DOP1A: variants seen among roughly 807,000 people sequenced by gnomAD.
DOP1A encodes the protein DOP1 leucine zipper like protein A.
A neutral mutation model predicts 267.6 loss-of-function variants in DOP1A; 90 were observed. That is an observed-to-expected ratio of 0.34 (90% CI 0.28 to 0.40). The LOEUF is 0.40. Among genes scored for constraint, DOP1A ranks in the 10% least tolerant of loss-of-function variants. DOP1A has a pLI of 1.00. For missense variants in DOP1A, 2,437 were observed against 2,900.4 expected (o/e 0.84, Z 3.67); for synonymous variants, 932 against 999.1 (o/e 0.93, Z 1.27).
intron 7 of DOP1A, among the ~76,000 whole-genome samples, chr6:83,117,484 A>G (rs1455668630): frequency 6.6e-6 from 1 of 152,106 alleles, no homozygotes; most frequent in Non-Finnish European, 1.5e-5. Context: ...CTTTCACTCT[A>G]TTATACAGAA....
chr6:83,067,882 T>A (rs1178922932), intron 1 of DOP1A, 103 bp downstream of exon 1: 1 of 152,266 alleles, frequency 6.6e-6, no homozygotes, highest in Non-Finnish European at 1.5e-5. Flanking sequence ...GCCTTGCGAG[T>A]CTGACTGCTG....
In DOP1A at chr6:83,145,574, TTCAA is replaced by T; in HGVS notation, c.5596_5599del (p.Ile1866ValfsTer3). 6.2e-7 allele frequency: 1 copy of T among 1,612,058 alleles called. No homozygotes were observed. The highest frequency in any genetic ancestry group is 8.5e-7 in the Non-Finnish European group (1 of 1,178,816). The stretch of plus-strand genomic sequence containing the variant: ...AGCTTTTATTAGTGGAATTGGTTCG[TTCAA>T]TCAGTGTCATGAGAGCAGAAACTGT... On this transcript the variant is annotated frameshift_variant, in exon 25 of 39. Transcript: ENST00000349129. LOFTEE classifies it high-confidence loss of function.
intron 4 of DOP1A, among the ~76,000 whole-genome samples, chr6:83,101,226 C>T (rs113508076): frequency 0.016 from 2,398 of 152,236 alleles, 77 homozygotes; most frequent in African/African-American, 0.054. Flanking sequence ...CCGTGTTAGC[C>T]AGGATGGTCT....
intron 11 of DOP1A, 67 bp from the exon 12 acceptor site, chr6:83,122,796 C>G (rs972587813): frequency 8.0e-7 from 1 of 1,257,136 alleles, no homozygotes; most frequent in Non-Finnish European, 1.0e-6. Flanking sequence ...GCACTGCACT[C>G]AAATTTAAAT....
intron 12 of DOP1A, 118 bp downstream of exon 12, chr6:83,123,100 G>A: frequency 9.0e-7 from 1 of 1,106,334 alleles, no homozygotes. Context: ...AATAATAACT[G>A]TTACTTACTA....
rs138359375 is a variant in DOP1A, at chr6:83,089,788, T to C, written c.-146-6943T>C. Among the ~76,000 whole-genome samples the C allele has an allele frequency of 3.9e-5, 6 of 152,290 alleles. No homozygotes were observed. In the East Asian group the frequency reaches 1.2e-3, roughly 29 times the overall value. On this transcript the variant is annotated intron_variant, in intron 1 of 38. Coordinates refer to ENST00000349129, the MANE Select transcript of DOP1A (RefSeq NM_015018.4). ...AACAAAACAGCTCATTTGACAGAGA[T>C]GATGTAAATGTTTGATATAACGTTT... is the stretch of plus-strand genomic sequence containing the variant.
At chr6:83,079,364 G>T (rs1006888332) in intron 1 of DOP1A, among the ~76,000 whole-genome samples, 1 of 152,012 alleles carries the variant, frequency 6.6e-6, no homozygotes, top group Non-Finnish European at 1.5e-5. Context: ...AATGGGCAAA[G>T]AAAAACGTTA....
At chr6:83,154,395 T>G in intron 33 of DOP1A, 154 bp downstream of exon 33, 1 of 643,340 alleles carries the variant, frequency 1.6e-6, no homozygotes, top group Non-Finnish European at 2.7e-6. Flanking sequence ...CACACTACTT[T>G]CTGTACGCTA....
At chr6:83,090,668 A>T (rs1472411393) in intron 1 of DOP1A, among the ~76,000 whole-genome samples, 2 of 152,222 alleles carry the variant, frequency 1.3e-5, no homozygotes, top group Non-Finnish European at 2.9e-5. Flanking sequence ...ACATGATTTT[A>T]TATTTTAGAA....
intron 1 of DOP1A, among the ~76,000 whole-genome samples, chr6:83,091,695 A>C (rs1438693951): frequency 6.6e-6 from 1 of 152,300 alleles, no homozygotes; most frequent in African/African-American, 2.4e-5. Flanking sequence ...CATTAATAGA[A>C]ATTACTACTA....
At chr6:83,131,826 A>G (rs1202118042) in intron 17 of DOP1A, among the ~76,000 whole-genome samples, 13 of 151,996 alleles carry the variant, frequency 8.6e-5, no homozygotes, top group African/African-American at 3.1e-4. Flanking sequence ...TAGTAGAGAC[A>G]AGGTTTCGCC....
intron 37 of DOP1A, among the ~76,000 whole-genome samples, chr6:83,162,539 G>A (rs138155712): frequency 1.4e-3 from 219 of 152,258 alleles, no homozygotes; most frequent in African/African-American, 4.9e-3. Flanking sequence ...AAAAAGTAAT[G>A]ATGAGTACTT....
At chr6:83,131,808 T>C (rs1778086358) in intron 17 of DOP1A, among the ~76,000 whole-genome samples, 1 of 152,184 alleles carries the variant, frequency 6.6e-6, no homozygotes, top group Non-Finnish European at 1.5e-5. Flanking sequence ...GCTAACTTTT[T>C]GTATTTTTAG....
intron 15 of DOP1A, 60 bp from the exon 16 acceptor site, chr6:83,128,827 T>C: frequency 6.7e-7 from 1 of 1,497,240 alleles, no homozygotes; most frequent in Non-Finnish European, 8.9e-7. Flanking sequence ...TGGTCATTTC[T>C]AATTCCTAAT....
rs560726599 is a variant in DOP1A at position 83,081,991 on chromosome 6, C to T, written c.-147+14212C>T. Among the ~76,000 whole-genome samples, 16 of 152,208 alleles carry T rather than the reference C, an allele frequency of 1.1e-4. No homozygotes were observed. In the East Asian group the frequency reaches 2.9e-3, roughly 28 times the overall value. On this transcript the variant is annotated intron_variant, in intron 1 of 38. Transcript: ENST00000349129. Reference sequence around the variant, plus strand: ...AACTAAAATGAGATATCATCTCACTCCTGTTAGAATTGCTGTTATCAAAAA... The same window carrying T: ...AACTAAAATGAGATATCATCTCACTTCTGTTAGAATTGCTGTTATCAAAAA...
In DOP1A at chr6:83,167,869, C is replaced by T; in HGVS notation, c.7100C>T (p.Pro2367Leu). 1 of 1,601,472 alleles carries T rather than the reference C, an allele frequency of 6.2e-7. No homozygotes were observed. Among genetic ancestry groups the T allele is most frequent in the Non-Finnish European group, 8.5e-7 (1 of 1,172,922 alleles). ...ACTTTTTGTTTTCTGCAGAAAAATC[C>T]AGAGGAAGACAACTCAGGGAGAACA... is the stretch of plus-strand genomic sequence containing the variant. ...KLLRKRAKKNPEEDNSGRTLG... is the reference protein window; with the variant it reads ...KLLRKRAKKNLEEDNSGRTLG... Residue 2367 changes from proline (P) to leucine (L), a missense_variant, in exon 39 of 39, where the codon CCA (proline) becomes CTA (leucine). Coordinates refer to ENST00000349129, the MANE Select transcript of DOP1A (RefSeq NM_015018.4).
intron 38 of DOP1A, 21 bp downstream of exon 38, chr6:83,162,940 T>C: frequency 4.4e-6 from 7 of 1,605,300 alleles, no homozygotes; most frequent in Non-Finnish European, 6.0e-6. Flanking sequence ...CTTTTGTGAT[T>C]GTTTTGTTTT....
intron 1 of DOP1A, among the ~76,000 whole-genome samples, chr6:83,071,340 G>C (rs983894101): frequency 1.3e-5 from 2 of 152,042 alleles, no homozygotes; most frequent in Admixed American, 1.3e-4. Context: ...CTGATTAGCT[G>C]GTATTACAGG....
At chr6:83,079,537 C>A (rs892359456) in intron 1 of DOP1A, among the ~76,000 whole-genome samples, 7 of 152,026 alleles carry the variant, frequency 4.6e-5, no homozygotes, top group Admixed American at 6.6e-5. Context: ...ATGTAAAAAC[C>A]AGTCTTTATT....
Sources: allele counts gnomAD v4.1 joint callset (sites outside exome capture counted in the v4.1 genomes callset), GRCh38; gene constraint gnomAD v4.1.1; transcripts MANE v1.5; gene names NCBI Gene and HGNC (gene_info 2026-07-23, HGNC 2026-07-21).